LAMA1: variants seen among roughly 807,000 people sequenced by gnomAD.
The protein encoded by LAMA1 is laminin subunit alpha-1.
In LAMA1, 219 loss-of-function variants were observed where a neutral mutation model predicts 348.7. The observed-to-expected ratio is 0.63, with a 90% CI of 0.56 to 0.70. LAMA1 has a LOEUF of 0.70. LAMA1 is among the 30% of genes least tolerant of loss of function. The probability of loss-of-function intolerance (pLI) is 0.00; values close to 1 mark genes in which losing one functional copy is unlikely to be tolerated. For missense variants in LAMA1, 3,744 were observed against 3,888.0 expected, an observed-to-expected ratio of 0.96 and a Z score of 0.99; for synonymous variants, 1,487 against 1,491.0, an observed-to-expected ratio of 1.00 and a Z score of 0.06.
At chr18:6,973,837 G>T (rs1476817496) in intron 46 of LAMA1, among the ~76,000 whole-genome samples, 1 of 152,226 alleles carries the variant, frequency 6.6e-6, no homozygotes, top group African/African-American at 2.4e-5. Context: ...CTGGAACGCA[G>T]TGGTGTGATC....
intron 45 of LAMA1, among the ~76,000 whole-genome samples, chr18:6,975,388 T>C (rs2057677359): frequency 6.6e-6 from 1 of 152,116 alleles, no homozygotes. Context: ...AGGTAAGAAA[T>C]GGATGTGAAA....
At chr18:7,010,091 G>T in intron 26 of LAMA1, 109 bp downstream of exon 26, 1 of 1,286,722 alleles carries the variant, frequency 7.8e-7, no homozygotes, top group Non-Finnish European at 1.1e-6. Flanking sequence ...ACAGGTGTGA[G>T]CCACCGTACC....
rs75199685 is a variant in LAMA1, at chr18:7,104,914, G to A, written c.61+12746C>T. Among the ~76,000 whole-genome samples the A allele has an allele frequency of 8.5e-3, 1,287 of 152,292 alleles. 25 individuals are homozygous for A. Among genetic ancestry groups the A allele is most frequent in the African/African-American group, 0.029 (1,220 of 41,560 alleles). The stretch of plus-strand genomic sequence containing the variant: ...GGCTCTGCTCGGTTGGGTTCAGTGC[G>A]ATACCTCCCCAAGTGCCTGTAGCAG... On this transcript the variant is annotated intron_variant, in intron 1 of 62. Coordinates refer to ENST00000389658, the MANE Select transcript of LAMA1 (RefSeq NM_005559.4).
intron 39 of LAMA1, among the ~76,000 whole-genome samples, chr18:6,984,479 C>T (rs553957395): frequency 4.3e-4 from 65 of 152,246 alleles, no homozygotes; most frequent in African/African-American, 1.5e-3. Context: ...ATTAGAATCA[C>T]CTGAGGGTTT....
chr18:7,018,253 G>A (rs1481290086), intron 19 of LAMA1, among the ~76,000 whole-genome samples: 2 of 131,700 alleles, frequency 1.5e-5, no homozygotes, highest in African/African-American at 6.0e-5. Context: ...GGAGAATCTC[G>A]TGAACCTGGG....
chr18:7,020,948 C>A (rs368889524), intron 19 of LAMA1, among the ~76,000 whole-genome samples: 1 of 152,156 alleles, frequency 6.6e-6, no homozygotes, highest in Non-Finnish European at 1.5e-5. Context: ...ACAGGGAGGA[C>A]GAGGTGACCT....
At chr18:6,954,994 T>G in intron 57 of LAMA1, 1 of 354,724 alleles carries the variant, frequency 2.8e-6, no homozygotes, top group Non-Finnish European at 5.5e-6. Context: ...AGAGTTTGGG[T>G]AGACAAAGAC....
rs974382680 is a variant in LAMA1, at chr18:6,958,462, A to T, written c.7964+15T>A. The T allele has an allele frequency of 6.2e-7, 1 of 1,613,430 alleles. No homozygotes were observed. Among genetic ancestry groups the T allele is most frequent in the Non-Finnish European group, 8.5e-7 (1 of 1,179,332 alleles). On this transcript the variant is annotated intron_variant, in intron 55 of 62. Coordinates refer to ENST00000389658, the MANE Select transcript of LAMA1 (RefSeq NM_005559.4). ...TCAGAAAGTGCAAGAACATGCAGAG[A>T]GCAGGTACACTTACTCCAAATTGAA...
intron 36 of LAMA1, among the ~76,000 whole-genome samples, chr18:6,988,808 TAAAAAA>T (rs1169877701): frequency 1.0e-5 from 1 of 100,474 alleles, no homozygotes; most frequent in Non-Finnish European, 1.9e-5. Flanking sequence ...TCCGTCTCAA[TAAAAAA>T]AAAAAAAAAA....
chr18:6,999,829 G>C (rs2057799652), intron 31 of LAMA1, 82 bp downstream of exon 31: 4 of 1,349,648 alleles, frequency 3.0e-6, no homozygotes, highest in Non-Finnish European at 4.2e-6. Flanking sequence ...ATGGCTCCCA[G>C]ATTACTATAG....
chr18:7,043,141 C>G (rs2144186629), intron 8 of LAMA1, 86 bp downstream of exon 8: 1 of 1,301,940 alleles, frequency 7.7e-7, no homozygotes, highest in East Asian at 2.3e-5. Flanking sequence ...ACAAAAGTCT[C>G]CAATACAGAG....
At chr18:7,109,653 T>C (rs12454984) in intron 1 of LAMA1, among the ~76,000 whole-genome samples, 32,555 of 152,062 alleles carry the variant, frequency 0.21, 4,223 homozygotes, top group South Asian at 0.31. Flanking sequence ...CAAGTCAATA[T>C]ACCACGTGCA....
chr18:6,951,726 T>C (rs1460062443), intron 57 of LAMA1, among the ~76,000 whole-genome samples: 2 of 152,092 alleles, frequency 1.3e-5, no homozygotes, highest in Admixed American at 1.3e-4. Flanking sequence ...TCGGGTGGCT[T>C]AGACCAGGGT....
At chr18:6,974,638 G>GTATTT (rs2057673299) in intron 46 of LAMA1, among the ~76,000 whole-genome samples, 2 of 151,774 alleles carry the variant, frequency 1.3e-5, no homozygotes, top group Non-Finnish European at 2.9e-5. Context: ...TGTATTTTTA[G>GTATTT]TAGAGATGGG....
At chr18:7,025,263 G>A (rs547071395) in intron 17 of LAMA1, among the ~76,000 whole-genome samples, 34 of 152,176 alleles carry the variant, frequency 2.2e-4, no homozygotes, top group Non-Finnish European at 3.8e-4. Flanking sequence ...TCAAATGGGC[G>A]ATGCCTGTTC....
chr18:7,055,951 A>G (rs1026696854), intron 3 of LAMA1, among the ~76,000 whole-genome samples: 1 of 151,886 alleles, frequency 6.6e-6, no homozygotes, highest in Admixed American at 6.6e-5. Flanking sequence ...GTGGTGGCGG[A>G]CGCCTGTAGT....
chr18:7,036,887 A>G (rs1187729359), intron 12 of LAMA1, among the ~76,000 whole-genome samples: 1 of 152,162 alleles, frequency 6.6e-6, no homozygotes, highest in Non-Finnish European at 1.5e-5. Flanking sequence ...GAAGGTAAGC[A>G]GGGAGCTATA....
rs58802341 is a variant in LAMA1 at position 7,108,640 on chromosome 18, CAAAAAAAAAAA to C, written c.61+9009_61+9019del. ...CACTGCACTGAGACAGACTCTGTCTCAAAAAAAAAAAAAAAAAAAAAAAAAAAGCTAACTCC... is the reference window on the plus strand; with the variant it reads ...CACTGCACTGAGACAGACTCTGTCTCAAAAAAAAAAAAAAAAGCTAACTCC... On this transcript the variant is annotated intron_variant, in intron 1 of 62. Transcript: ENST00000389658. 1.5e-4 allele frequency among the ~76,000 whole-genome samples: 6 copies of C among 40,238 alleles called. No homozygotes were observed. The East Asian group carries it at 4.5e-3, about 30-fold the overall frequency. 26.4% of individuals were successfully genotyped at this position (40,238 alleles called of 152,430 possible). A position where few individuals can be genotyped will look rare whatever the true frequency, so the allele number is the denominator to read the frequency against.
chr18:7,001,956 T>C (rs1401899612), intron 30 of LAMA1, among the ~76,000 whole-genome samples: 1 of 152,198 alleles, frequency 6.6e-6, no homozygotes, highest in East Asian at 1.9e-4. Context: ...ATAAAATTAA[T>C]AGCAATTTAT....
Sources: gnomAD v4.1 joint callset for allele counts (sites outside exome capture counted in the v4.1 genomes callset) on GRCh38, gnomAD v4.1.1 for gene constraint, MANE v1.5 for transcripts, NCBI Gene and HGNC (gene_info 2026-07-23, HGNC 2026-07-21) for gene names.